The following THBD variants were observed in gnomAD, a reference collection of about 807,000 sequenced individuals.
The protein encoded by THBD is CD141 antigen.
For missense variants in THBD, 850 were observed against 816.9 expected, an observed-to-expected ratio of 1.04 and a Z score of -0.49; for synonymous variants, 449 against 374.2, an observed-to-expected ratio of 1.20 and a Z score of -2.31.
At position 23,048,869 on chromosome 20, in the gene THBD, G is replaced by A. The variant is rs1984657166; in HGVS notation, c.636C>T (p.Ser212=). 4.0e-6 allele frequency: 6 copies of A among 1,504,216 alleles called. No individual in the cohort carries two copies. The highest frequency in any genetic ancestry group is 4.4e-6 in the Non-Finnish European group (5 of 1,130,560). The allele number at this position is 1,504,216 out of a possible 1,614,324, so 93.2% of individuals were successfully genotyped here. A position where few individuals can be genotyped will look rare whatever the true frequency, so the allele number is the denominator to read the frequency against. ...GTAAGCCGAGGGGAGCCACCGCGGC[G>A]GAGCTGCCCACCGGCAGCGCCTGGA... ...ADFQALPVGS[S]AAVAPLGLQL... is the part of the protein sequence containing the mutation. The change falls in exon 1 of 1, where the codon TCC becomes TCT. Residue 212 remains serine, a synonymous_variant. Coordinates refer to ENST00000377103, the MANE Select transcript of THBD (RefSeq NM_000361.3).
At position 23,047,931 on chromosome 20, in the gene THBD, C is replaced by A. The variant is rs1235694882; in HGVS notation, c.1574G>T (p.Ser525Ile). 2 of 1,609,964 alleles carry A rather than the reference C, an allele frequency of 1.2e-6. No individual in the cohort carries two copies. The highest frequency in any genetic ancestry group is 2.2e-5 in the South Asian group (2 of 90,482). The change falls in exon 1 of 1, where the codon AGC (serine) becomes ATC (isoleucine). Residue 525 changes from serine to isoleucine, a missense_variant. Coordinates refer to ENST00000377103, the MANE Select transcript of THBD (RefSeq NM_000361.3). ...SGLLIGISIA[S>I]LCLVVALLAL... ...CAAAAGCGCCACCACCAGGCACAGG[C>A]TCGCGATGGAGATGCCTATGAGCAA... is the stretch of plus-strand genomic sequence containing the variant.
chr20:23,048,071 G>GC lies in THBD; in HGVS notation c.1433_1434insG (p.Asp479ArgfsTer3). 6.2e-7 allele frequency: 1 copy of GC among 1,613,216 alleles called. No individual in the cohort carries two copies. The highest frequency in any genetic ancestry group is 8.5e-7 in the Non-Finnish European group (1 of 1,179,790). On this transcript the variant is annotated frameshift_variant, in exon 1 of 1. Transcript: ENST00000377103. LOFTEE classifies it low-confidence loss of function (END_TRUNC). Reference sequence around the variant, plus strand: ...CGTCCACCTTGCCGGAGTCACAGTCGGTGCCAATGTGGCGGGCAAGGGCCG... The same window carrying GC: ...CGTCCACCTTGCCGGAGTCACAGTCGCGTGCCAATGTGGCGGGCAAGGGCCG...
In THBD at chr20:23,045,754, T is replaced by C. The variant is rs534184183; in HGVS notation, c.*2023A>G. ...TCCTCATATATGAAGTTGTTATGGTTACAGAAAGAAAATAAATATTTGTGC... is the reference window on the plus strand; with the variant it reads ...TCCTCATATATGAAGTTGTTATGGTCACAGAAAGAAAATAAATATTTGTGC... On this transcript the variant is annotated 3_prime_UTR_variant, in exon 1 of 1. Coordinates refer to ENST00000377103, the MANE Select transcript of THBD (RefSeq NM_000361.3). The C allele has an allele frequency of 1.3e-5, 2 of 152,340 alleles. No individual in the cohort carries two copies. The highest frequency in any genetic ancestry group is 6.8e-3 in the Middle Eastern group (2 of 294). 9.4% of individuals were successfully genotyped at this position (152,340 alleles called of 1,614,324 possible).
rs373402912 is a variant in THBD at position 23,048,002 on chromosome 20, G to A, written c.1503C>T (p.Pro501=). 1.9e-5 allele frequency: 30 copies of A among 1,608,348 alleles called. No individual in the cohort carries two copies. The highest frequency in any genetic ancestry group is 1.6e-4 in the Middle Eastern group (1 of 6,076). The change falls in exon 1 of 1, where the codon CCC becomes CCT. Residue 501 remains proline (P), a synonymous_variant. Coordinates refer to ENST00000377103, the MANE Select transcript of THBD (RefSeq NM_000361.3). ...CGGCCGGAGGAGTCAAGGTGGAGCC[G>A]GGCGTCGGGCTGGGCGGGGGCTCGC... ...GSGEPPPSPT[P]GSTLTPPAVG... is the part of the protein sequence containing the mutation.
At position 23,048,875 on chromosome 20, in the gene THBD, G is replaced by A. The variant is rs1177494151; in HGVS notation, c.630C>T (p.Gly210=). The A allele has an allele frequency of 1.3e-6, 2 of 1,507,772 alleles. No individual in the cohort carries two copies. The highest frequency in any genetic ancestry group is 2.5e-5 in the East Asian group (1 of 40,188). 93.4% of individuals were successfully genotyped at this position (1,507,772 alleles called of 1,614,324 possible). The change falls in exon 1 of 1, where the codon GGC becomes GGT. Residue 210 remains glycine (G), a synonymous_variant. Transcript: ENST00000377103. ...RGADFQALPV[G]SSAAVAPLGL... is the part of the protein sequence containing the mutation. ...CGAGGGGAGCCACCGCGGCGGAGCT[G>A]CCCACCGGCAGCGCCTGGAAGTCCG...
At position 23,047,928 on chromosome 20, in the gene THBD, A is replaced by G. The variant is rs1984617316; in HGVS notation, c.1577T>C (p.Leu526Pro). ...CGCCAAAAGCGCCACCACCAGGCACAGGCTCGCGATGGAGATGCCTATGAG... is the reference window on the plus strand; with the variant it reads ...CGCCAAAAGCGCCACCACCAGGCACGGGCTCGCGATGGAGATGCCTATGAG... The part of the protein sequence containing the change: ...GLLIGISIAS[L>P]CLVVALLALL... Residue 526 changes from leucine to proline, a missense_variant, in exon 1 of 1, where the codon CTG becomes CCG. Leu to Pro is a moderately conservative substitution (Grantham distance 98, BLOSUM62 -3). Transcript: ENST00000377103. 3 of 1,609,804 alleles carry G rather than the reference A, an allele frequency of 1.9e-6. No individual in the cohort carries two copies. Among genetic ancestry groups the G allele is most frequent in the Non-Finnish European group, 2.5e-6 (3 of 1,178,482 alleles).
Position 23,046,572 on chromosome 20 carries a change from C to G in THBD, c.*1205G>C, listed in dbSNP as rs1220141175. 1 of 152,198 alleles carries G rather than the reference C, an allele frequency of 6.6e-6. No homozygotes were observed. The highest frequency in any genetic ancestry group is 1.5e-5 in the Non-Finnish European group (1 of 68,042). 9.4% of individuals were successfully genotyped at this position (152,198 alleles called of 1,614,324 possible). A position where few individuals can be genotyped will look rare whatever the true frequency, so the allele number is the denominator to read the frequency against. On this transcript the variant is annotated 3_prime_UTR_variant, in exon 1 of 1. Coordinates refer to ENST00000377103, the MANE Select transcript of THBD (RefSeq NM_000361.3). ...AGGCCTCTCTGAAATGGTAGAAATT[C>G]TCTGAGGACCTGATTAAGGCTAGGC...
At position 23,049,468 on chromosome 20, in the gene THBD, C is replaced by T; in HGVS notation, c.37G>A (p.Ala13Thr). The T allele has an allele frequency of 6.5e-7, 1 of 1,545,242 alleles. No individual in the cohort carries two copies. Among genetic ancestry groups the T allele is most frequent in the Non-Finnish European group, 8.7e-7 (1 of 1,146,150 alleles). Residue 13 changes from alanine to threonine, a missense_variant, in exon 1 of 1, where the codon GCC (alanine) becomes ACC (threonine). Transcript: ENST00000377103. ...GCGGGTGCGGGGAACCCCAGGCCGG[C>T]CAGGGCCAGCGCGCCAAGGACCAGG... ...GVLVLGALAL[A>T]GLGFPAPAEP...
rs200748161 is a variant in THBD, at chr20:23,047,969, G to A, written c.1536C>T (p.Leu512=). ...TGCCTATGAGCAAGCCCGAATGCAC[G>A]AGCCCCACGGCCGGAGGAGTCAAGG... ...GSTLTPPAVG[L]VHSGLLIGIS... is the part of the protein sequence containing the mutation. Residue 512 remains leucine (L), a synonymous_variant, in exon 1 of 1, where the codon CTC becomes CTT. Coordinates refer to ENST00000377103, the MANE Select transcript of THBD (RefSeq NM_000361.3). 2.5e-6 allele frequency: 4 copies of A among 1,609,228 alleles called. No homozygotes were observed. Among genetic ancestry groups the A allele is most frequent in the Non-Finnish European group, 3.4e-6 (4 of 1,178,144 alleles).
In THBD at chr20:23,048,077, A is replaced by C; in HGVS notation, c.1428T>G (p.Ile476Met). The change falls in exon 1 of 1, where the codon ATT becomes ATG. Residue 476 changes from isoleucine (I) to methionine (M), a missense_variant. Ile to Met is a conservative substitution (Grantham distance 10). Coordinates refer to ENST00000377103, the MANE Select transcript of THBD (RefSeq NM_000361.3). ...CGPDSALARH[I>M]GTDCDSGKVD... ...CCTTGCCGGAGTCACAGTCGGTGCC[A>C]ATGTGGCGGGCAAGGGCCGAGTCGG... 6.2e-7 allele frequency: 1 copy of C among 1,613,208 alleles called. No individual in the cohort carries two copies. Among genetic ancestry groups the C allele is most frequent in the Non-Finnish European group, 8.5e-7 (1 of 1,179,846 alleles).
In THBD at chr20:23,048,657, G is replaced by A. The variant is rs761334030; in HGVS notation, c.848C>T (p.Ser283Phe). 7 of 1,593,042 alleles carry A rather than the reference G, an allele frequency of 4.4e-6. No individual in the cohort carries two copies. The South Asian group carries it at 6.6e-5, about 15-fold the overall frequency. Residue 283 changes from serine (S) to phenylalanine (F), a missense_variant, in exon 1 of 1, where the codon TCC becomes TTC. Physicochemically the swap from Ser to Phe is radical, Grantham distance 155 (BLOSUM62 -2). Coordinates refer to ENST00000377103, the MANE Select transcript of THBD (RefSeq NM_000361.3). ...LQADGRSCTA[S>F]ATQSCNDLCE... ...GAGGTCGTTGCAGGACTGCGTCGCG[G>A]ATGCGGTGCAGGAGCGCCCGTCTGC...
rs3176123 is a variant in THBD at position 23,046,776 on chromosome 20, T to G, written c.*1001A>C. The G allele has an allele frequency of 0.15, 23,468 of 152,258 alleles. 2,242 individuals carry two copies. Among genetic ancestry groups the G allele is most frequent in the East Asian group, 0.3 (1,578 of 5,178 alleles). The allele number at this position is 152,258 out of a possible 1,614,324, so 9.4% of individuals were successfully genotyped here. On this transcript the variant is annotated 3_prime_UTR_variant, in exon 1 of 1. Coordinates refer to ENST00000377103, the MANE Select transcript of THBD (RefSeq NM_000361.3). ...TCCTGGGAGGTGTTTGTCTCTTCTC[T>G]CAATCTAGAGCAACCTTCTGAACAT...
In THBD at chr20:23,048,810, T is replaced by C; in HGVS notation, c.695A>G (p.Gln232Arg). Residue 232 changes from glutamine (Q) to arginine (R), a missense_variant, in exon 1 of 1, where the codon CAG (glutamine) becomes CGG (arginine). Physicochemically the swap from Gln to Arg is conservative, Grantham distance 43 (BLOSUM62 1). Coordinates refer to ENST00000377103, the MANE Select transcript of THBD (RefSeq NM_000361.3). ...LMCTAPPGAVQGHWAREAPGA... is the reference protein window; with the variant it reads ...LMCTAPPGAVRGHWAREAPGA... ...CGGCGCCTCCCTGGCCCAGTGCCCC[T>C]GGACCGCTCCGGGCGGCGCGGTGCA... 1 of 1,526,964 alleles carries C rather than the reference T, an allele frequency of 6.5e-7. No homozygotes were observed. 94.6% of individuals were successfully genotyped at this position (1,526,964 alleles called of 1,614,324 possible). A position where few individuals can be genotyped will look rare whatever the true frequency, so the allele number is the denominator to read the frequency against.
chr20:23,049,016 A>G lies in THBD; in HGVS notation c.489T>C (p.Asp163=), dbSNP rs761573703. The G allele has an allele frequency of 8.3e-6, 13 of 1,573,292 alleles. No individual in the cohort carries two copies. The highest frequency in any genetic ancestry group is 1.0e-5 in the Non-Finnish European group (12 of 1,159,002). Residue 163 remains aspartate, a synonymous_variant, in exon 1 of 1, where the codon GAT becomes GAC. Transcript: ENST00000377103. ...GGAAGTGGAACTCGCAGAGGAAGCC[A>G]TCGGCCTTCACTTCGCACTGCTGCT... is the stretch of plus-strand genomic sequence containing the variant. ...WEEQQCEVKA[D]GFLCEFHFPA...
rs774081974 is a variant in THBD, at chr20:23,049,004, G to T, written c.501C>A (p.Cys167Ter). 1.3e-6 allele frequency: 2 copies of T among 1,571,550 alleles called. No individual in the cohort carries two copies. Among genetic ancestry groups the T allele is most frequent in the Non-Finnish European group, 1.7e-6 (2 of 1,159,400 alleles). ...QCEVKADGFL[C>*]EFHFPATCRP... ...TGCAGGTGGCTGGGAAGTGGAACTC[G>T]CAGAGGAAGCCATCGGCCTTCACTT... The change falls in exon 1 of 1, where the codon TGC becomes TGA. Residue 167 changes from cysteine to a stop codon, truncating the protein, a stop_gained. Coordinates refer to ENST00000377103, the MANE Select transcript of THBD (RefSeq NM_000361.3). LOFTEE classifies it low-confidence loss of function (END_TRUNC).
In THBD at chr20:23,047,891, G is replaced by A. The variant is rs1436540579; in HGVS notation, c.1614C>T (p.His538=). ...LVVALLALLC[H]LRKKQGAARA... ...TGGCGGCGCCCTGCTTCTTGCGCAGGTGGCAGAGGAGCGCCAAAAGCGCCA... is the reference window on the plus strand; with the variant it reads ...TGGCGGCGCCCTGCTTCTTGCGCAGATGGCAGAGGAGCGCCAAAAGCGCCA... The change falls in exon 1 of 1, where the codon CAC becomes CAT. Residue 538 remains histidine, a synonymous_variant. Coordinates refer to ENST00000377103, the MANE Select transcript of THBD (RefSeq NM_000361.3). 6.2e-7 allele frequency: 1 copy of A among 1,606,902 alleles called. No individual in the cohort carries two copies. The highest frequency in any genetic ancestry group is 1.7e-5 in the Admixed American group (1 of 58,960).
chr20:23,045,945 C>T lies in THBD; in HGVS notation c.*1832G>A, dbSNP rs1386961826. 1 of 152,124 alleles carries T rather than the reference C, an allele frequency of 6.6e-6. No individual in the cohort carries two copies. Among genetic ancestry groups the T allele is most frequent in the African/African-American group, 2.4e-5 (1 of 41,416 alleles). The allele number at this position is 152,124 out of a possible 1,614,324, so 9.4% of individuals were successfully genotyped here. ...ATGGTTTGTGAGCCCCATTTAATGA[C>T]ATAAAATGAGGGCACTGAGGGAGGA... On this transcript the variant is annotated 3_prime_UTR_variant, in exon 1 of 1. Transcript: ENST00000377103.
Position 23,048,677 on chromosome 20 carries a change from G to C in THBD, c.828C>G (p.Asp276Glu), listed in dbSNP as rs1342018941. The change falls in exon 1 of 1, where the codon GAC becomes GAG. Residue 276 changes from aspartate to glutamate, a missense_variant. Coordinates refer to ENST00000377103, the MANE Select transcript of THBD (RefSeq NM_000361.3). Reference sequence around the variant, plus strand: ...TCGCGGATGCGGTGCAGGAGCGCCCGTCTGCCTGCAGGGCGGCGCCGGCTG... The same window carrying C: ...TCGCGGATGCGGTGCAGGAGCGCCCCTCTGCCTGCAGGGCGGCGCCGGCTG... Reference protein sequence around the residue: ...QCPAGAALQADGRSCTASATQ... With the variant: ...QCPAGAALQAEGRSCTASATQ... 1.3e-6 allele frequency: 2 copies of C among 1,588,374 alleles called. No homozygotes were observed. Among genetic ancestry groups the C allele is most frequent in the Non-Finnish European group, 8.5e-7 (1 of 1,174,402 alleles).
In THBD at chr20:23,046,550, C is replaced by T. The variant is rs1447550927; in HGVS notation, c.*1227G>A. On this transcript the variant is annotated 3_prime_UTR_variant, in exon 1 of 1. Coordinates refer to ENST00000377103, the MANE Select transcript of THBD (RefSeq NM_000361.3). ...TGTTCAGGGGCCACATTCCAAAAGG[C>T]CTCTCTGAAATGGTAGAAATTCTCT... is the stretch of plus-strand genomic sequence containing the variant. The T allele has an allele frequency of 6.6e-6, 1 of 152,198 alleles. No homozygotes were observed. Among genetic ancestry groups the T allele is most frequent in the Admixed American group, 6.5e-5 (1 of 15,280 alleles). The allele number at this position is 152,198 out of a possible 1,614,324, so 9.4% of individuals were successfully genotyped here.
Sources: gnomAD v4.1 joint callset for allele counts on GRCh38, gnomAD v4.1.1 for gene constraint, MANE v1.5 for transcripts, NCBI Gene and HGNC (gene_info 2026-07-23, HGNC 2026-07-21) for gene names.